DDIAS: variants seen among roughly 807,000 people sequenced by gnomAD.
DDIAS encodes the protein DNA damage induced apoptosis suppressor.
DDIAS carries 14 observed loss-of-function variants against 15.7 expected under a neutral mutation model. The observed-to-expected ratio is 0.89, with a 90% confidence interval of 0.59 to 1.39. The LOEUF (loss-of-function observed/expected upper bound fraction) is 1.39, where lower values mean the gene tolerates loss of function less well. Among genes scored for constraint, DDIAS ranks in the 40% most tolerant of loss-of-function variants. The pLI, the probability that DDIAS is intolerant of heterozygous loss-of-function variation, is 0.00. For synonymous variants in DDIAS, 355 were observed against 395.9 expected, an observed-to-expected ratio of 0.90 and a Z score of 1.23; for missense variants, 1,035 against 1,130.9, an observed-to-expected ratio of 0.92 and a Z score of 1.22.
chr11:82,916,632 C>T (rs1017346183), intron 3 of DDIAS, among the ~76,000 whole-genome samples: 21 of 152,102 alleles, frequency 1.4e-4, no homozygotes, highest in African/African-American at 5.1e-4. Context: ...TTAGGTTGAA[C>T]AATAATGCCA....
intron 1 of DDIAS, among the ~76,000 whole-genome samples, chr11:82,911,247 C>T (rs1030759372): frequency 6.6e-6 from 1 of 152,134 alleles, no homozygotes; most frequent in African/African-American, 2.4e-5. Flanking sequence ...ATTCCTTTCA[C>T]AAAAGATTTT....
chr11:82,920,148 C>T (rs904613411), intron 3 of DDIAS, among the ~76,000 whole-genome samples: 3 of 151,950 alleles, frequency 2.0e-5, no homozygotes, highest in African/African-American at 4.8e-5. Context: ...TCCATCTCTT[C>T]TAGGTTTTCT....
At chr11:82,922,002 A>G (rs1056927745) in intron 3 of DDIAS, among the ~76,000 whole-genome samples, 1 of 152,204 alleles carries the variant, frequency 6.6e-6, no homozygotes. Context: ...TTCTTGGCTG[A>G]TAATTGCTTT....
At chr11:82,922,210 A>C (rs1045533561) in intron 3 of DDIAS, among the ~76,000 whole-genome samples, 1 of 152,178 alleles carries the variant, frequency 6.6e-6, no homozygotes, top group Non-Finnish European at 1.5e-5. Context: ...TTTTGTGATG[A>C]ATTTCCCAGA....
At position 82,913,016 on chromosome 11, in the gene DDIAS, A is replaced by G. The variant is rs544477748; in HGVS notation, c.-116-271A>G. Among the ~76,000 whole-genome samples, 61 of 152,332 alleles carry G rather than the reference A, an allele frequency of 4.0e-4. 1 individual carries two copies. Among genetic ancestry groups the G allele is most frequent in the African/African-American group, 1.3e-3 (55 of 41,578 alleles). On this transcript the variant is annotated intron_variant, in intron 1 of 5. Transcript: ENST00000533655. ...TTTGTGGCACCCCAAAACAATTACA[A>G]TAGTAACATCAAACATCACTGATCA...
chr11:82,921,420 G>A (rs1860742733), intron 3 of DDIAS, among the ~76,000 whole-genome samples: 1 of 151,984 alleles, frequency 6.6e-6, no homozygotes, highest in African/African-American at 2.4e-5. Context: ...TTTGTTGCCT[G>A]TGTACCTTGT....
rs762976558 is a variant in DDIAS, at chr11:82,931,753, C to A, written c.415C>A (p.Gln139Lys). Residue 139 changes from glutamine (Q) to lysine (K), a missense_variant, in exon 6 of 6, where the codon CAA becomes AAA. By Grantham distance (53) the Gln-to-Lys change is moderately conservative. Coordinates refer to ENST00000533655, the MANE Select transcript of DDIAS (RefSeq NM_145018.4). ...ACAGAATTTTGAAAACCAACCTGGA[C>A]AAGGTTCAGATGCCAGTAACTTCTT... Reference protein sequence around the residue: ...GVTNFENQPGQGSDASNFLQQ... With the variant: ...GVTNFENQPGKGSDASNFLQQ... The A allele has an allele frequency of 6.3e-6, 10 of 1,592,100 alleles. No individual in the cohort carries two copies. The highest frequency in any genetic ancestry group is 6.0e-6 in the Non-Finnish European group (7 of 1,172,140).
At position 82,934,319 on chromosome 11, in the gene DDIAS, C is replaced by A. The variant is rs1861075082; in HGVS notation, c.2981C>A (p.Pro994His). Residue 994 changes from proline (P) to histidine (H), a missense_variant, in exon 6 of 6, where the codon CCT (proline) becomes CAT (histidine). Pro to His is a moderately conservative substitution (Grantham distance 77, BLOSUM62 -2). Transcript: ENST00000533655. ...SVCETRSAWS[P>H]ELFS ...TGTGAAACTCGAAGTGCTTGGTCAC[C>A]TGAATTGTTTTCATAAAAAGTCACC... 1 of 1,586,754 alleles carries A rather than the reference C, an allele frequency of 6.3e-7. No homozygotes were observed. The highest frequency in any genetic ancestry group is 1.9e-5 in the Admixed American group (1 of 52,960).
At chr11:82,929,892 C>T (rs940966070) in intron 4 of DDIAS, among the ~76,000 whole-genome samples, 3 of 152,150 alleles carry the variant, frequency 2.0e-5, no homozygotes, top group Non-Finnish European at 2.9e-5. Flanking sequence ...ACTATTCCCA[C>T]TGCCACTTTT....
intron 1 of DDIAS, among the ~76,000 whole-genome samples, chr11:82,912,181 A>G (rs1307482395): frequency 6.6e-6 from 1 of 152,176 alleles, no homozygotes. Context: ...ACCCCTAACA[A>G]GAGAGTTAGC....
In DDIAS at chr11:82,933,123, G is replaced by T; in HGVS notation, c.1785G>T (p.Leu595=). ...AAATGAATGAAAAGTTGACAACTCT[G>T]TGTTATAGGAAGTATAATGATGTCT... ...VSEMNEKLTT[L]CYRKYNDVSD... Residue 595 remains leucine, a synonymous_variant, in exon 6 of 6, where the codon CTG becomes CTT. Coordinates refer to ENST00000533655, the MANE Select transcript of DDIAS (RefSeq NM_145018.4). The T allele has an allele frequency of 1.2e-6, 2 of 1,606,330 alleles. No individual in the cohort carries two copies. Among genetic ancestry groups the T allele is most frequent in the South Asian group, 1.1e-5 (1 of 90,462 alleles).
In DDIAS at chr11:82,934,064, G is replaced by A. The variant is rs765010462; in HGVS notation, c.2726G>A (p.Arg909Lys). 1.2e-6 allele frequency: 2 copies of A among 1,612,744 alleles called. No individual in the cohort carries two copies. The highest frequency in any genetic ancestry group is 1.3e-5 in the African/African-American group (1 of 74,846). ...CCAAGAAAGAAACTGAAACATATTA[G>A]ACAAGGAACCAATAAAGGTTTAATT... ...ELPRKKLKHI[R>K]QGTNKGLIKK... Residue 909 changes from arginine (R) to lysine (K), a missense_variant, in exon 6 of 6, where the codon AGA (arginine) becomes AAA (lysine). Arg to Lys is a conservative substitution (Grantham distance 26). Coordinates refer to ENST00000533655, the MANE Select transcript of DDIAS (RefSeq NM_145018.4).
In DDIAS at chr11:82,928,926, C is replaced by T; in HGVS notation, c.263C>T (p.Thr88Ile). The change falls in exon 4 of 6, where the codon ACT (threonine) becomes ATT (isoleucine). Residue 88 changes from threonine to isoleucine, a missense_variant. By Grantham distance (89) the Thr-to-Ile change is moderately conservative. Coordinates refer to ENST00000533655, the MANE Select transcript of DDIAS (RefSeq NM_145018.4). ...CLDTFFGLTA[T>I]GLHRYIQDPN... Reference sequence around the variant, plus strand: ...GATACATTTTTTGGTCTTACTGCCACTGGTTTGCACAGGTAAGAATACTTA... The same window carrying T: ...GATACATTTTTTGGTCTTACTGCCATTGGTTTGCACAGGTAAGAATACTTA... The T allele has an allele frequency of 6.2e-7, 1 of 1,611,296 alleles. No individual in the cohort carries two copies. The highest frequency in any genetic ancestry group is 1.7e-5 in the Admixed American group (1 of 59,368).
chr11:82,932,967 TTCA>T lies in DDIAS; in HGVS notation c.1632_1634del (p.Ser546del). 2 of 1,612,554 alleles carry T rather than the reference TTCA, an allele frequency of 1.2e-6. No individual in the cohort carries two copies. Among genetic ancestry groups the T allele is most frequent in the Non-Finnish European group, 1.7e-6 (2 of 1,179,612 alleles). ...CGAATCCTTACCTGTCAGCTCTGTCTTCATCTTCAAAAGATTTAGAAACAATAG... is the reference window on the plus strand; with the variant it reads ...CGAATCCTTACCTGTCAGCTCTGTCTTCTTCAAAAGATTTAGAAACAATAG... On this transcript the variant is annotated inframe_deletion, in exon 6 of 6. Transcript: ENST00000533655.
intron 3 of DDIAS, 22 bp from the exon 4 acceptor site, chr11:82,928,754 AC>A (rs773392945): frequency 5.0e-6 from 8 of 1,609,186 alleles, no homozygotes; most frequent in Non-Finnish European, 6.8e-6. Flanking sequence ...ACATCTCCAC[AC>A]TTTTTTCCAC....
chr11:82,933,318 C>G lies in DDIAS; in HGVS notation c.1980C>G (p.Asn660Lys). 1 of 1,613,942 alleles carries G rather than the reference C, an allele frequency of 6.2e-7. No individual in the cohort carries two copies. The highest frequency in any genetic ancestry group is 8.5e-7 in the Non-Finnish European group (1 of 1,179,938). Residue 660 changes from asparagine to lysine, a missense_variant, in exon 6 of 6, where the codon AAC (asparagine) becomes AAG (lysine). By Grantham distance (94) the Asn-to-Lys change is moderately conservative. Transcript: ENST00000533655. ...TGCCTTGGGGACATATCAATAACAA[C>G]GTAACACAGAGCTATTCTATTGGTT... The part of the protein sequence containing the change: ...KEMPWGHINN[N>K]VTQSYSIGYE...
intron 2 of DDIAS, 173 bp downstream of exon 2, chr11:82,913,559 T>G (rs1211121876): frequency 3.1e-6 from 1 of 321,070 alleles, no homozygotes; most frequent in Non-Finnish European, 6.0e-6. Flanking sequence ...TGATGTGTTT[T>G]ATACAAGGAT....
chr11:82,914,057 C>T (rs1035602473), intron 2 of DDIAS: 15 of 354,324 alleles, frequency 4.2e-5, no homozygotes, highest in African/African-American at 3.4e-4. Context: ...CTGCCGCAGC[C>T]TCCTGAGTAG....
intron 3 of DDIAS, among the ~76,000 whole-genome samples, chr11:82,918,455 G>A (rs188823235): frequency 6.6e-6 from 1 of 152,282 alleles, no homozygotes; most frequent in East Asian, 1.9e-4. Context: ...TTTTATACCA[G>A]TACCATGGTG....
Sources: gnomAD v4.1 joint callset for allele counts (sites outside exome capture counted in the v4.1 genomes callset) on GRCh38, gnomAD v4.1.1 for gene constraint, MANE v1.5 for transcripts, NCBI Gene and HGNC (gene_info 2026-07-23, HGNC 2026-07-21) for gene names.